The following ZFHX3 variants were observed in gnomAD, a reference collection of about 807,000 sequenced individuals.
The protein encoded by ZFHX3 is zinc finger homeobox protein 3.
Under a neutral mutation model 279.1 loss-of-function variants are expected in ZFHX3, and 42 were observed. The observed-to-expected ratio is 0.15, with a 90% CI of 0.12 to 0.19. ZFHX3 has a LOEUF of 0.19. Ranked by LOEUF, ZFHX3 falls within the 10% of genes least tolerant of loss-of-function variation. ZFHX3 has a pLI of 1.00. For missense variants in ZFHX3, 4,981 were observed against 4,754.0 expected, an observed-to-expected ratio of 1.05 and a Z score of -1.40; for synonymous variants, 2,293 against 1,957.8, an observed-to-expected ratio of 1.17 and a Z score of -4.52.
At chr16:73,044,986 C>A (rs527272511) in intron 1 of ZFHX3, among the ~76,000 whole-genome samples, 1 of 152,294 alleles carries the variant, frequency 6.6e-6, no homozygotes, top group South Asian at 2.1e-4. Flanking sequence ...CAGTTCCCTA[C>A]ACTTTTACAA....
chr16:73,415,984 G>T (rs1277027534), intron 3 of ZFHX3, among the ~76,000 whole-genome samples: 1 of 151,988 alleles, frequency 6.6e-6, no homozygotes, highest in Non-Finnish European at 1.5e-5. Flanking sequence ...GCTGAGTGAG[G>T]TGATGGGCAC....
intron 7 of ZFHX3, among the ~76,000 whole-genome samples, chr16:73,103,436 G>A (rs1226779664): frequency 6.6e-6 from 1 of 152,094 alleles, no homozygotes; most frequent in Non-Finnish European, 1.5e-5. Context: ...CCCTCCTCCT[G>A]GAGGGTCTCT....
intron 5 of ZFHX3, among the ~76,000 whole-genome samples, chr16:73,212,340 T>A (rs1168161469): frequency 6.6e-6 from 1 of 152,194 alleles, no homozygotes; most frequent in East Asian, 1.9e-4. Context: ...CTTGATTTTT[T>A]AAATGTATAT....
At chr16:73,498,563 C>A (rs942651723) in intron 2 of ZFHX3, among the ~76,000 whole-genome samples, 2 of 152,194 alleles carry the variant, frequency 1.3e-5, no homozygotes, top group Non-Finnish European at 2.9e-5. Flanking sequence ...GCAACAGCAT[C>A]TTTTTAAAGA....
intron 2 of ZFHX3, among the ~76,000 whole-genome samples, chr16:73,633,053 T>G (rs913005236): frequency 6.6e-6 from 1 of 152,218 alleles, no homozygotes; most frequent in East Asian, 1.9e-4. Context: ...CACTCTAGGC[T>G]GGACAACAAA....
At chr16:73,639,476 T>C (rs2052555449) in intron 2 of ZFHX3, among the ~76,000 whole-genome samples, 1 of 152,202 alleles carries the variant, frequency 6.6e-6, no homozygotes, top group Non-Finnish European at 1.5e-5. Flanking sequence ...TAACATGCTC[T>C]TGAGAGCAGA....
intron 1 of ZFHX3, among the ~76,000 whole-genome samples, chr16:73,032,988 G>T (rs1964763863): frequency 6.6e-6 from 1 of 152,212 alleles, no homozygotes; most frequent in Non-Finnish European, 1.5e-5. Context: ...GGCAGCAGGA[G>T]CAGGATGGGG....
intron 4 of ZFHX3, among the ~76,000 whole-genome samples, chr16:73,262,037 A>T (rs2013841864): frequency 6.6e-6 from 1 of 152,222 alleles, no homozygotes; most frequent in Non-Finnish European, 1.5e-5. Context: ...TCACTAACCC[A>T]TATAGCAGAG....
intron 1 of ZFHX3, among the ~76,000 whole-genome samples, chr16:73,869,342 C>A (rs1048153568): frequency 1.3e-5 from 2 of 152,090 alleles, no homozygotes; most frequent in Non-Finnish European, 2.9e-5. Flanking sequence ...ATTTTAGATG[C>A]CATTTGATGA....
chr16:73,324,031 T>C (rs920400964), intron 3 of ZFHX3, among the ~76,000 whole-genome samples: 10 of 152,146 alleles, frequency 6.6e-5, no homozygotes, highest in African/African-American at 2.4e-4. Context: ...GAGTGTATGG[T>C]AGAGGCCATG....
intron 1 of ZFHX3, among the ~76,000 whole-genome samples, chr16:73,035,605 G>A (rs1166418118): frequency 6.6e-6 from 1 of 152,176 alleles, no homozygotes; most frequent in African/African-American, 2.4e-5. Flanking sequence ...ATAATAATAG[G>A]CCAGGCATTG....
At chr16:73,006,793 A>G (rs1963719493) in intron 1 of ZFHX3, among the ~76,000 whole-genome samples, 1 of 152,220 alleles carries the variant, frequency 6.6e-6, no homozygotes, top group African/African-American at 2.4e-5. Flanking sequence ...ATCTGAGGAT[A>G]GTCAAGTCCC....
At position 72,966,930 on chromosome 16, in the gene ZFHX3, G is replaced by A. The variant is rs74881441; in HGVS notation, c.-49-6736C>T. On this transcript the variant is annotated intron_variant, in intron 1 of 9. Coordinates refer to ENST00000268489, the MANE Select transcript of ZFHX3 (RefSeq NM_006885.4). The stretch of plus-strand genomic sequence containing the variant: ...ACTCTGTGGCTTCAAGAATGGAGAA[G>A]GGGATTGTGCTATGGCCAGGGGGCT... 2.6e-5 allele frequency among the ~76,000 whole-genome samples: 4 copies of A among 152,224 alleles called. No homozygotes were observed. The East Asian group carries it at 5.8e-4, about 22-fold the overall frequency.
At chr16:73,388,563 C>T (rs374006453) in intron 3 of ZFHX3, among the ~76,000 whole-genome samples, 44 of 152,290 alleles carry the variant, frequency 2.9e-4, no homozygotes, top group African/African-American at 1.0e-3. Context: ...GGATTGGAGG[C>T]TCCATGGAGG....
intron 3 of ZFHX3, among the ~76,000 whole-genome samples, chr16:73,443,443 A>T (rs1247795245): frequency 6.6e-6 from 1 of 152,228 alleles, no homozygotes. Context: ...AAAAGATGAT[A>T]GTTTCTTCTC....
intron 4 of ZFHX3, among the ~76,000 whole-genome samples, chr16:72,855,653 A>G (rs1426261913): frequency 6.6e-6 from 1 of 152,240 alleles, no homozygotes; most frequent in East Asian, 1.9e-4. Context: ...CCCTTTAAAA[A>G]GCAAACATTA....
intron 1 of ZFHX3, among the ~76,000 whole-genome samples, chr16:73,687,023 T>TATATATATTTGCAGCTAA (rs2053093531): frequency 7.0e-5 from 2 of 28,588 alleles, no homozygotes; most frequent in Non-Finnish European, 6.5e-5. Flanking sequence ...TATATATATA[T>TATATATATTTGCAGCTAA]ATATATATAT....
chr16:72,956,624 T>A (rs1166417452), intron 2 of ZFHX3, among the ~76,000 whole-genome samples: 1 of 152,186 alleles, frequency 6.6e-6, no homozygotes, highest in Non-Finnish European at 1.5e-5. Flanking sequence ...CAAATCAGCT[T>A]CTCTAAAGCA....
At chr16:73,773,147 G>T (rs191896260) in intron 1 of ZFHX3, among the ~76,000 whole-genome samples, 1 of 152,156 alleles carries the variant, frequency 6.6e-6, no homozygotes, top group Non-Finnish European at 1.5e-5. Flanking sequence ...TTTAAAATTT[G>T]GTTCCTGGGT....
Sources: gnomAD v4.1 joint callset for allele counts (sites outside exome capture counted in the v4.1 genomes callset) on GRCh38, gnomAD v4.1.1 for gene constraint, MANE v1.5 for transcripts, NCBI Gene and HGNC (gene_info 2026-07-23, HGNC 2026-07-21) for gene names.